PPFIA2: variants seen among roughly 807,000 people sequenced by gnomAD.
PPFIA2 encodes liprin-alpha-2.
Under a neutral mutation model 175.5 loss-of-function variants are expected in PPFIA2, and 46 were observed. The ratio of observed to expected loss-of-function variants is 0.26; its 90% CI spans 0.21 to 0.34. The LOEUF (loss-of-function observed/expected upper bound fraction) is 0.34. Among genes scored for constraint, PPFIA2 ranks in the 10% least tolerant of loss-of-function variants. PPFIA2 has a pLI of 1.00. For missense variants in PPFIA2, 1,179 were observed against 1,506.1 expected, an observed-to-expected ratio of 0.78 and a Z score of 3.60; for synonymous variants, 568 against 511.4, an observed-to-expected ratio of 1.11 and a Z score of -1.49.
intron 20 of PPFIA2, 66 bp from the exon 21 acceptor site, chr12:81,339,400 T>TA: frequency 8.0e-7 from 1 of 1,249,526 alleles, no homozygotes; most frequent in Non-Finnish European, 1.0e-6. Flanking sequence ...ATTTCCTTTA[T>TA]AAAATGCACC....
chr12:81,490,630 G>C (rs1288401564), intron 4 of PPFIA2, among the ~76,000 whole-genome samples: 1 of 151,906 alleles, frequency 6.6e-6, no homozygotes, highest in Non-Finnish European at 1.5e-5. Context: ...CTTGACTGCA[G>C]GAGGAAAAGC....
At chr12:81,610,973 G>T (rs1024597525) in intron 4 of PPFIA2, among the ~76,000 whole-genome samples, 1 of 152,138 alleles carries the variant, frequency 6.6e-6, no homozygotes. Context: ...GTTTTCACAG[G>T]TGTATATATT....
chr12:81,610,327 A>G (rs2060764319), intron 4 of PPFIA2, among the ~76,000 whole-genome samples: 1 of 152,206 alleles, frequency 6.6e-6, no homozygotes, highest in Non-Finnish European at 1.5e-5. Flanking sequence ...CTACATTTGC[A>G]AATATATTTT....
At chr12:81,632,392 A>G (rs942128772) in intron 4 of PPFIA2, among the ~76,000 whole-genome samples, 2 of 152,058 alleles carry the variant, frequency 1.3e-5, no homozygotes, top group African/African-American at 4.8e-5. Context: ...AATGAATACC[A>G]CTATATATAT....
intron 3 of PPFIA2, among the ~76,000 whole-genome samples, chr12:81,741,259 G>A (rs1172749203): frequency 6.6e-6 from 1 of 151,962 alleles, no homozygotes. Context: ...AATGACACTC[G>A]TGTTGTAGAC....
chr12:81,307,249 A>G (rs1467339303), intron 22 of PPFIA2, among the ~76,000 whole-genome samples: 1 of 152,158 alleles, frequency 6.6e-6, no homozygotes, highest in Non-Finnish European at 1.5e-5. Context: ...CCGCAGCCTC[A>G]TCTCCAACCC....
chr12:81,627,882 T>C (rs1400580666), intron 4 of PPFIA2, among the ~76,000 whole-genome samples: 1 of 152,134 alleles, frequency 6.6e-6, no homozygotes, highest in Non-Finnish European at 1.5e-5. Context: ...TATCTTAAAA[T>C]TGACTTAATA....
In PPFIA2 at chr12:81,438,244, C is replaced by T. The variant is rs188387521; in HGVS notation, c.645+1728G>A. 6.0e-4 allele frequency among the ~76,000 whole-genome samples: 92 copies of T among 152,086 alleles called. 1 individual carries two copies. Among genetic ancestry groups the T allele is most frequent in the African/African-American group, 2.0e-3 (81 of 41,500 alleles). ...CAGCACTTTGGGAGGCCGAGGCAGG[C>T]GAATCACTAGGTTAGGAGTTCAAGA... On this transcript the variant is annotated intron_variant, in intron 7 of 32. Coordinates refer to ENST00000549396, the MANE Select transcript of PPFIA2 (RefSeq NM_003625.5).
At chr12:81,364,678 G>T (rs897694926) in intron 14 of PPFIA2, among the ~76,000 whole-genome samples, 1 of 151,888 alleles carries the variant, frequency 6.6e-6, no homozygotes, top group African/African-American at 2.4e-5. Context: ...TTGGGAGTCA[G>T]AAAAGAGAGG....
intron 4 of PPFIA2, among the ~76,000 whole-genome samples, chr12:81,618,737 T>C (rs992551496): frequency 6.6e-6 from 1 of 151,994 alleles, no homozygotes; most frequent in Admixed American, 6.6e-5. Context: ...TTTCACCATG[T>C]TAGCCACGAT....
intron 4 of PPFIA2, among the ~76,000 whole-genome samples, chr12:81,538,352 C>T (rs2065707432): frequency 6.6e-6 from 1 of 151,784 alleles, no homozygotes; most frequent in African/African-American, 2.4e-5. Flanking sequence ...TCATGGGTGT[C>T]AGACAGTATT....
In PPFIA2 at chr12:81,753,957, C is replaced by G. The variant is rs1323154778; in HGVS notation, c.249+16G>C. ...TCAATTACAATAGGAGAAACAAAGG[C>G]TACCAGGAAGCATACCTGTGGCAGG... is the stretch of plus-strand genomic sequence containing the variant. On this transcript the variant is annotated intron_variant, in intron 3 of 32. Transcript: ENST00000549396. 1 of 1,612,256 alleles carries G rather than the reference C, an allele frequency of 6.2e-7. No individual in the cohort carries two copies. Among genetic ancestry groups the G allele is most frequent in the South Asian group, 1.1e-5 (1 of 90,876 alleles).
intron 11 of PPFIA2, among the ~76,000 whole-genome samples, chr12:81,371,902 C>A (rs2035206243): frequency 7.0e-6 from 1 of 143,204 alleles, no homozygotes; most frequent in Non-Finnish European, 1.5e-5. Flanking sequence ...TATACACACA[C>A]ACACACAAAC....
rs1189573390 is a variant in PPFIA2 at position 81,706,113 on chromosome 12, A to G, written c.250-29269T>C. On this transcript the variant is annotated intron_variant, in intron 3 of 32. Coordinates refer to ENST00000549396, the MANE Select transcript of PPFIA2 (RefSeq NM_003625.5). ...TCTACTGGGCAATGCTGCTCTAAAA[A>G]GTTTATGAAACAAGTTAATACTATT... Among the ~76,000 whole-genome samples the G allele has an allele frequency of 4.6e-5, 7 of 152,348 alleles. No individual in the cohort carries two copies. The South Asian group carries it at 1.4e-3, about 32-fold the overall frequency.
rs180922244 is a variant in PPFIA2, at chr12:81,306,365, T to A, written c.2643-6983A>T. On this transcript the variant is annotated intron_variant, in intron 22 of 32. Transcript: ENST00000549396. Reference sequence around the variant, plus strand: ...AACAAGTCACTGTATTTTGCTGTGATTCAGTTTCCTCATGTGGAACATGAA... The same window carrying A: ...AACAAGTCACTGTATTTTGCTGTGAATCAGTTTCCTCATGTGGAACATGAA... Among the ~76,000 whole-genome samples, 17 of 152,290 alleles carry A rather than the reference T, an allele frequency of 1.1e-4. No individual in the cohort carries two copies. In the East Asian group the frequency reaches 1.9e-3, roughly 17 times the overall value.
intron 4 of PPFIA2, among the ~76,000 whole-genome samples, chr12:81,586,789 T>TA (rs1380410533): frequency 6.6e-6 from 1 of 151,886 alleles, no homozygotes; most frequent in Non-Finnish European, 1.5e-5. Context: ...ATAAAATACT[T>TA]AAAGTAGTGC....
chr12:81,729,110 T>C (rs1349373814), intron 3 of PPFIA2, among the ~76,000 whole-genome samples: 3 of 151,534 alleles, frequency 2.0e-5, no homozygotes, highest in Admixed American at 1.3e-4. Flanking sequence ...ATAATTTTAT[T>C]AACTTAAATA....
At chr12:81,468,318 T>C (rs2056102921) in intron 4 of PPFIA2, among the ~76,000 whole-genome samples, 1 of 152,218 alleles carries the variant, frequency 6.6e-6, no homozygotes, top group African/African-American at 2.4e-5. Context: ...CATGCATTTG[T>C]ACATTTATTA....
intron 4 of PPFIA2, among the ~76,000 whole-genome samples, chr12:81,567,801 A>G (rs1441367651): frequency 2.6e-5 from 4 of 152,180 alleles, no homozygotes; most frequent in Admixed American, 1.3e-4. Flanking sequence ...TGAAACTGTA[A>G]TTGAAAATAT....
Sources: allele counts gnomAD v4.1 joint callset (sites outside exome capture counted in the v4.1 genomes callset), GRCh38; gene constraint gnomAD v4.1.1; transcripts MANE v1.5; gene names NCBI Gene and HGNC (gene_info 2026-07-23, HGNC 2026-07-21).